Variants in SEC14L5 observed in about 807,000 individuals in gnomAD.
SEC14L5 encodes the protein SEC14-like protein 5.
In SEC14L5, 96 loss-of-function variants were observed where a neutral mutation model predicts 84.6. The observed-to-expected ratio is 1.13, with a 90% confidence interval of 0.96 to 1.34. The LOEUF is 1.34. SEC14L5 is among the 40% of genes most tolerant of loss of function. SEC14L5 has a pLI of 0.00. For missense variants in SEC14L5, 1,224 were observed against 942.5 expected (o/e 1.30, Z -3.91); for synonymous variants, 546 against 383.4 (o/e 1.42, Z -4.95).
intron 2 of SEC14L5, among the ~76,000 whole-genome samples, chr16:4,961,642 C>T (rs1955122472): frequency 6.6e-6 from 1 of 152,078 alleles, no homozygotes; most frequent in Non-Finnish European, 1.5e-5. Context: ...ATTCATATAG[C>T]CTTAAGTGCT....
At chr16:4,999,313 C>T (rs12919205) in intron 8 of SEC14L5, among the ~76,000 whole-genome samples, 52,411 of 151,978 alleles carry the variant, frequency 0.34, 9,685 homozygotes, top group Non-Finnish European at 0.41. Flanking sequence ...TGTCCTTAAA[C>T]AGAAACACAA....
At chr16:4,964,690 C>G (rs188789290) in intron 2 of SEC14L5, among the ~76,000 whole-genome samples, 272 of 152,272 alleles carry the variant, frequency 1.8e-3, no homozygotes, top group Non-Finnish European at 3.5e-3. Flanking sequence ...CCTGCTTCGG[C>G]CTCCCAAAAT....
At chr16:4,991,345 G>T (rs946599606) in intron 5 of SEC14L5, among the ~76,000 whole-genome samples, 11 of 151,924 alleles carry the variant, frequency 7.2e-5, no homozygotes, top group African/African-American at 2.7e-4. Flanking sequence ...AGGCCCAGTT[G>T]AGCCCAGGAA....
chr16:5,003,559 G>A lies in SEC14L5; in HGVS notation c.1288G>A (p.Val430Met), dbSNP rs189059128. Residue 430 changes from valine (V) to methionine (M), a missense_variant, in exon 11 of 16, where the codon GTG becomes ATG. Physicochemically the swap from Val to Met is conservative, Grantham distance 21 (BLOSUM62 1). Transcript: ENST00000251170. ...CGTGCGAGCCCCCCGAGTCTTCCCC[G>A]TGCTCTGGACACTGGTAAGAGCTGG... Reference protein sequence around the residue: ...LIVRAPRVFPVLWTLISPFIN... With the variant: ...LIVRAPRVFPMLWTLISPFIN... 2.1e-5 allele frequency: 31 copies of A among 1,509,834 alleles called. No individual in the cohort carries two copies. Among genetic ancestry groups the A allele is most frequent in the Middle Eastern group, 3.6e-4 (2 of 5,512 alleles). 93.5% of individuals were successfully genotyped at this position (1,509,834 alleles called of 1,614,324 possible).
intron 2 of SEC14L5, among the ~76,000 whole-genome samples, chr16:4,985,320 G>A (rs989720096): frequency 5.3e-5 from 8 of 152,222 alleles, no homozygotes; most frequent in Admixed American, 2.0e-4. Flanking sequence ...CCGCCTCCTG[G>A]GTTCAAGTGA....
chr16:4,983,298 G>A (rs1955445835), intron 2 of SEC14L5, among the ~76,000 whole-genome samples: 1 of 151,940 alleles, frequency 6.6e-6, no homozygotes, highest in South Asian at 2.1e-4. Flanking sequence ...ACAGGCATGA[G>A]CCACTGCTCA....
intron 4 of SEC14L5, among the ~76,000 whole-genome samples, chr16:4,989,975 A>G (rs900240460): frequency 6.6e-6 from 1 of 152,026 alleles, no homozygotes; most frequent in African/African-American, 2.4e-5. Flanking sequence ...CTGCCAATGA[A>G]GTTTTCTTTT....
intron 6 of SEC14L5, among the ~76,000 whole-genome samples, chr16:4,994,412 C>T (rs555428083): frequency 1.5e-4 from 23 of 152,012 alleles, no homozygotes; most frequent in Admixed American, 2.6e-4. Flanking sequence ...GGTGTGATCT[C>T]AGCTCACTGC....
chr16:5,010,187 A>C (rs7404299), intron 14 of SEC14L5, among the ~76,000 whole-genome samples: 1 of 95,884 alleles, frequency 1.0e-5, no homozygotes, highest in African/African-American at 3.4e-5. Context: ...TACTAAAAAT[A>C]CAAAAAAAAA....
intron 2 of SEC14L5, chr16:4,960,783 C>A (rs753027478): frequency 6.6e-6 from 1 of 152,132 alleles, no homozygotes; most frequent in Admixed American, 6.6e-5. Context: ...GCTCCTGGTA[C>A]GGGGCTGACG....
rs190921453 is a variant in SEC14L5, at chr16:4,970,546, T to C, written c.63+11160T>C. On this transcript the variant is annotated intron_variant, in intron 2 of 15. Transcript: ENST00000251170. ...CTCTGCGCAAAATCCTGACATACCA[T>C]GTAAATGTCAAGCTGCTCTAGGCTG... 2.1e-3 allele frequency among the ~76,000 whole-genome samples: 313 copies of C among 152,236 alleles called. 1 individual carries two copies. Among genetic ancestry groups the C allele is most frequent in the African/African-American group, 7.0e-3 (292 of 41,540 alleles).
intron 2 of SEC14L5, among the ~76,000 whole-genome samples, chr16:4,960,011 G>C (rs1390887824): frequency 1.3e-5 from 2 of 152,134 alleles, no homozygotes; most frequent in African/African-American, 4.8e-5. Context: ...ACGAGAGAGA[G>C]AATGAGTGGG....
intron 3 of SEC14L5, 127 bp from the exon 4 acceptor site, chr16:4,988,022 G>C: frequency 9.9e-7 from 1 of 1,014,348 alleles, no homozygotes; most frequent in East Asian, 2.6e-5. Context: ...GGCTGGGTGG[G>C]CGGTGGCGCA....
intron 2 of SEC14L5, among the ~76,000 whole-genome samples, chr16:4,975,159 A>G (rs890077413): frequency 1.3e-5 from 2 of 152,130 alleles, no homozygotes; most frequent in African/African-American, 2.4e-5. Context: ...TTCATTTAGA[A>G]TAATGACCTC....
At chr16:5,012,711 C>A (rs1240753421) in intron 15 of SEC14L5, among the ~76,000 whole-genome samples, 1 of 152,132 alleles carries the variant, frequency 6.6e-6, no homozygotes, top group Non-Finnish European at 1.5e-5. Flanking sequence ...TTGAGACCAG[C>A]CTAGCCAACA....
chr16:5,001,765 T>C (rs1046141186), intron 10 of SEC14L5, among the ~76,000 whole-genome samples: 2 of 151,996 alleles, frequency 1.3e-5, no homozygotes, highest in African/African-American at 2.4e-5. Context: ...CTTCCTCTTC[T>C]GTAAAGTGGC....
intron 15 of SEC14L5, among the ~76,000 whole-genome samples, chr16:5,013,077 T>A (rs1001897098): frequency 3.3e-5 from 5 of 152,078 alleles, no homozygotes; most frequent in Non-Finnish European, 2.9e-5. Context: ...CCATCAGACC[T>A]CATGAGAACT....
chr16:5,010,929 C>A, intron 14 of SEC14L5, 166 bp from the exon 15 acceptor site: 1 of 640,338 alleles, frequency 1.6e-6, no homozygotes, highest in Non-Finnish European at 2.7e-6. Flanking sequence ...GCAAGGATGG[C>A]TTCCAGAGGC....
intron 2 of SEC14L5, among the ~76,000 whole-genome samples, chr16:4,981,354 C>A (rs1415378380): frequency 2.0e-5 from 3 of 148,320 alleles, no homozygotes; most frequent in African/African-American, 7.4e-5. Flanking sequence ...TCAAATGATC[C>A]ATCCACCTCG....
Sources: allele counts gnomAD v4.1 joint callset (sites outside exome capture counted in the v4.1 genomes callset), GRCh38; gene constraint gnomAD v4.1.1; transcripts MANE v1.5; gene names NCBI Gene and HGNC (gene_info 2026-07-23, HGNC 2026-07-21).